WDR27: variants seen among roughly 807,000 people sequenced by gnomAD.
WDR27 encodes WD repeat domain 27, also known as WD repeat-containing protein 27.
A neutral mutation model predicts 114.4 loss-of-function variants in WDR27; 100 were observed. The ratio of observed to expected loss-of-function variants is 0.87; its 90% CI spans 0.74 to 1.03. The LOEUF (loss-of-function observed/expected upper bound fraction) is 1.03, where lower values mean the gene tolerates loss of function less well. WDR27 is among the 50% of genes least tolerant of loss of function. The pLI, the probability that WDR27 is intolerant of heterozygous loss-of-function variation, is 0.00. For synonymous variants in WDR27, 449 were observed against 423.1 expected (o/e 1.06, Z -0.75); for missense variants, 1,129 against 1,092.9 (o/e 1.03, Z -0.47).
chr6:169,590,244 G>C (rs1377553705), intron 23 of WDR27, among the ~76,000 whole-genome samples: 1 of 152,172 alleles, frequency 6.6e-6, no homozygotes, highest in East Asian at 1.9e-4. Flanking sequence ...CCCCACAGCA[G>C]AAAGGAGACA....
At chr6:169,528,178 C>T (rs931977689) in intron 25 of WDR27, among the ~76,000 whole-genome samples, 20 of 152,140 alleles carry the variant, frequency 1.3e-4, no homozygotes, top group African/African-American at 4.6e-4. Flanking sequence ...AGTTCTTCTA[C>T]ATCTAATAAT....
At chr6:169,621,821 T>C (rs1300943919) in intron 21 of WDR27, among the ~76,000 whole-genome samples, 2 of 152,114 alleles carry the variant, frequency 1.3e-5, no homozygotes, top group Non-Finnish European at 2.9e-5. Flanking sequence ...TTCATACATA[T>C]ACACACGTAT....
intron 23 of WDR27, 60 bp downstream of exon 23, chr6:169,602,159 A>G (rs1331983132): frequency 8.0e-7 from 1 of 1,249,170 alleles, no homozygotes; most frequent in Admixed American, 2.2e-5. Context: ...AATATTAAAC[A>G]GTCTACACAT....
At chr6:169,602,401 G>T in intron 22 of WDR27, 80 bp from the exon 23 acceptor site, 2 of 890,910 alleles carry the variant, frequency 2.2e-6, no homozygotes, top group South Asian at 1.7e-5. Flanking sequence ...ACAACTTGTT[G>T]CTTTTCTTCA....
At chr6:169,605,153 T>C (rs537199726) in intron 22 of WDR27, among the ~76,000 whole-genome samples, 5 of 130,940 alleles carry the variant, frequency 3.8e-5, no homozygotes, top group African/African-American at 1.5e-4. Flanking sequence ...AGCATCCAAA[T>C]TGGTAAAGAG....
intron 25 of WDR27, among the ~76,000 whole-genome samples, chr6:169,537,025 T>C (rs1376898184): frequency 6.6e-6 from 1 of 152,182 alleles, no homozygotes; most frequent in Non-Finnish European, 1.5e-5. Flanking sequence ...AACCAGAACA[T>C]AGATAAGGGC....
chr6:169,569,466 T>C (rs962299707), intron 25 of WDR27, among the ~76,000 whole-genome samples: 1 of 152,220 alleles, frequency 6.6e-6, no homozygotes, highest in Non-Finnish European at 1.5e-5. Flanking sequence ...TTAAATGTAC[T>C]ATATAAGATT....
intron 15 of WDR27, among the ~76,000 whole-genome samples, chr6:169,648,456 G>C (rs923465591): frequency 6.6e-6 from 1 of 152,218 alleles, no homozygotes; most frequent in African/African-American, 2.4e-5. Context: ...GAGCTGAACG[G>C]AACTCTGATG....
chr6:169,699,465 G>A (rs17860606), intron 1 of WDR27, among the ~76,000 whole-genome samples: 25,090 of 152,104 alleles, frequency 0.16, 2,597 homozygotes, highest in East Asian at 0.3. Flanking sequence ...CAGAGCTGAC[G>A]AGATACACAC....
At chr6:169,439,918 A>ATATTATTATATTGGTAGTTATATTACCG in the WDR27 span, among the ~76,000 whole-genome samples, 3 of 149,212 alleles carry the variant, frequency 2.0e-5, no homozygotes, top group African/African-American at 7.5e-5. Flanking sequence ...TTATATTACC[A>ATATTATTATATTGGTAGTTATATTACCG]ATATTATTAT....
chr6:169,573,682 T>G (rs1801808633), intron 24 of WDR27, among the ~76,000 whole-genome samples: 1 of 152,232 alleles, frequency 6.6e-6, no homozygotes, highest in South Asian at 2.1e-4. Flanking sequence ...AATGTGATAT[T>G]TGTGACTCTG....
chr6:169,634,400 C>A, intron 20 of WDR27, 28 bp downstream of exon 20: 1 of 1,560,178 alleles, frequency 6.4e-7, no homozygotes, highest in Non-Finnish European at 8.8e-7. Flanking sequence ...GGGCGTAAAA[C>A]CCTACCAGGA....
At chr6:169,664,486 C>CT in intron 7 of WDR27, 200 bp from the exon 8 acceptor site, 1 of 1,424,624 alleles carries the variant, frequency 7.0e-7, no homozygotes, top group Non-Finnish European at 9.1e-7. Flanking sequence ...TGTCAGAGCA[C>CT]TTTCACACGG....
At chr6:169,479,534 T>A (rs575282526) in intron 25 of WDR27, among the ~76,000 whole-genome samples, 1 of 152,358 alleles carries the variant, frequency 6.6e-6, no homozygotes, top group African/African-American at 2.4e-5. Context: ...TTTAGGCATC[T>A]AGATTTTATA....
intron 18 of WDR27, among the ~76,000 whole-genome samples, chr6:169,638,245 A>G (rs1025454087): frequency 1.2e-5 from 1 of 80,970 alleles, no homozygotes; most frequent in Non-Finnish European, 2.3e-5. Context: ...GAACCCGGGA[A>G]GCGGAGCTTG....
intron 25 of WDR27, among the ~76,000 whole-genome samples, chr6:169,529,995 TG>T (rs1361076299): frequency 1.3e-5 from 2 of 152,200 alleles, no homozygotes; most frequent in Non-Finnish European, 2.9e-5. Context: ...TTTTTCAAGT[TG>T]GGTTTATAAA....
At chr6:169,598,649 G>A in intron 23 of WDR27, among the ~76,000 whole-genome samples, 1 of 152,182 alleles carries the variant, frequency 6.6e-6, no homozygotes, top group East Asian at 1.9e-4. Context: ...AGGAGGAAAG[G>A]CCACTTGGAG....
chr6:169,641,364 C>T (rs1002000290), intron 17 of WDR27, among the ~76,000 whole-genome samples: 1 of 152,208 alleles, frequency 6.6e-6, no homozygotes, highest in East Asian at 1.9e-4. Flanking sequence ...CATGGGGGAC[C>T]ACATGGGTGC....
At position 169,544,055 on chromosome 6, in the gene WDR27, C is replaced by A. The variant is rs74859619; in HGVS notation, c.2645+28364G>T. ...AGAAAAGTATTTGGAAAAGGCAACA[C>A]ATATTTATGATAAACTCAGCAATTC... On this transcript the variant is annotated intron_variant, in intron 25 of 25. Transcript: ENST00000448612. 1.3e-3 allele frequency among the ~76,000 whole-genome samples: 205 copies of A among 152,276 alleles called. 4 individuals carry two copies. The East Asian group carries it at 0.032, about 24-fold the overall frequency.
Sources: allele counts gnomAD v4.1 joint callset (sites outside exome capture counted in the v4.1 genomes callset), GRCh38; gene constraint gnomAD v4.1.1; transcripts MANE v1.5; gene names NCBI Gene and HGNC (gene_info 2026-07-23, HGNC 2026-07-21).